SERINC5: variants seen among roughly 807,000 people sequenced by gnomAD.
SERINC5 encodes the protein chromosome 5 open reading frame 12.
In SERINC5, 41 loss-of-function variants were observed where a neutral mutation model predicts 63.1. The ratio of observed to expected loss-of-function variants is 0.65; its 90% CI spans 0.51 to 0.84. SERINC5 has a LOEUF of 0.84. Ranked by LOEUF, SERINC5 falls within the 40% of genes least tolerant of loss-of-function variation. The pLI, the probability that SERINC5 is intolerant of heterozygous loss-of-function variation, is 0.00. For synonymous variants in SERINC5, 222 were observed against 215.2 expected, an observed-to-expected ratio of 1.03 and a Z score of -0.28; for missense variants, 523 against 573.0, an observed-to-expected ratio of 0.91 and a Z score of 0.89.
In SERINC5 at chr5:80,141,538, G is replaced by A. The variant is rs766578377; in HGVS notation, c.*2125C>T. On this transcript the variant is annotated 3_prime_UTR_variant, in exon 12 of 12. Transcript: ENST00000507668. ...GCAAGGGCTCTGCTAGACCTCAGCA[G>A]GAGGAAAACAATGAAACTAGTCACA... 7.1e-6 allele frequency: 7 copies of A among 985,432 alleles called. No individual in the cohort carries two copies. The highest frequency in any genetic ancestry group is 8.4e-6 in the Non-Finnish European group (7 of 829,946). The allele number at this position is 985,432 out of a possible 1,614,324, so 61.0% of individuals were successfully genotyped here.
At chr5:80,130,131 G>A (rs1397216249) in intron 11 of SERINC5, among the ~76,000 whole-genome samples, 1 of 152,140 alleles carries the variant, frequency 6.6e-6, no homozygotes, top group Admixed American at 6.5e-5. Flanking sequence ...TATAATCCCA[G>A]CACTTTGGGA....
At chr5:80,250,811 C>A (rs1224354243) in intron 1 of SERINC5, among the ~76,000 whole-genome samples, 1 of 152,144 alleles carries the variant, frequency 6.6e-6, no homozygotes, top group African/African-American at 2.4e-5. Flanking sequence ...TTTACAGCGA[C>A]CAACCCTTTG....
chr5:80,197,976 A>G (rs1313564699), intron 2 of SERINC5, among the ~76,000 whole-genome samples: 1 of 151,968 alleles, frequency 6.6e-6, no homozygotes, highest in Admixed American at 6.5e-5. Context: ...AGTAGCTGGG[A>G]CTACAGGTGC....
intron 1 of SERINC5, among the ~76,000 whole-genome samples, chr5:80,213,873 C>T (rs1173796611): frequency 5.9e-5 from 9 of 152,190 alleles, no homozygotes; most frequent in Non-Finnish European, 1.5e-5. Flanking sequence ...ATACTCTACA[C>T]CTGCTATGTG....
chr5:80,255,725 G>A (rs1278497012), intron 1 of SERINC5, among the ~76,000 whole-genome samples, 171 bp downstream of exon 1: 2 of 151,966 alleles, frequency 1.3e-5, no homozygotes, highest in Admixed American at 6.5e-5. Context: ...GCCCGCCCAG[G>A]GCACAGGATT....
Position 80,141,909 on chromosome 5 carries a change from G to A in SERINC5, c.*1754C>T. 4 of 985,342 alleles carry A rather than the reference G, an allele frequency of 4.1e-6. No homozygotes were observed. The highest frequency in any genetic ancestry group is 3.6e-6 in the Non-Finnish European group (3 of 829,912). The allele number at this position is 985,342 out of a possible 1,614,324, so 61.0% of individuals were successfully genotyped here. On this transcript the variant is annotated 3_prime_UTR_variant, in exon 12 of 12. Transcript: ENST00000507668. ...ACTCTAAGTAGGGAAAGTTCTAAAG[G>A]AATTCATCCCCTGTAATTTGTTTCC...
chr5:80,243,928 A>G (rs990498865), intron 1 of SERINC5, among the ~76,000 whole-genome samples: 1 of 152,086 alleles, frequency 6.6e-6, no homozygotes, highest in Admixed American at 6.6e-5. Flanking sequence ...GGGAGCACAG[A>G]AAGTGGGGGA....
chr5:80,199,234 T>C (rs1749685071), intron 2 of SERINC5, among the ~76,000 whole-genome samples: 1 of 152,162 alleles, frequency 6.6e-6, no homozygotes, highest in Non-Finnish European at 1.5e-5. Flanking sequence ...TCAGACCAGA[T>C]TCAAATCCTA....
At position 80,189,855 on chromosome 5, in the gene SERINC5, G is replaced by A. The variant is rs969654122; in HGVS notation, c.196-11791C>T. ...GCCTTCCCAGAAGCTGGGACTAGAG[G>A]TGCATGCCAACACATCCGCTACTTT... On this transcript the variant is annotated intron_variant, in intron 2 of 11. Transcript: ENST00000507668. Among the ~76,000 whole-genome samples the A allele has an allele frequency of 3.3e-5, 5 of 152,030 alleles. No homozygotes were observed. In the East Asian group the frequency reaches 5.8e-4, roughly 18 times the overall value.
At chr5:80,233,805 CTT>C (rs373920343) in intron 1 of SERINC5, among the ~76,000 whole-genome samples, 9 of 69,950 alleles carry the variant, frequency 1.3e-4, no homozygotes, top group African/African-American at 1.9e-4. Context: ...TCAACTTTTA[CTT>C]TTTTTTTTTT....
In SERINC5 at chr5:80,141,860, G is replaced by A. The variant is rs1404230280; in HGVS notation, c.*1803C>T. ...TCTAAACCACACACACAGATGGAGT[G>A]CCTTTTGAAACTGAATCTCAAACAC... On this transcript the variant is annotated 3_prime_UTR_variant, in exon 12 of 12. Coordinates refer to ENST00000507668, the MANE Select transcript of SERINC5 (RefSeq NM_001174072.3). The A allele has an allele frequency of 2.0e-6, 2 of 985,254 alleles. No individual in the cohort carries two copies. Among genetic ancestry groups the A allele is most frequent in the Non-Finnish European group, 2.4e-6 (2 of 829,846 alleles). The allele number at this position is 985,254 out of a possible 1,614,324, so 61.0% of individuals were successfully genotyped here.
At chr5:80,165,456 GTA>G (rs1232385707) in intron 7 of SERINC5, among the ~76,000 whole-genome samples, 4 of 152,236 alleles carry the variant, frequency 2.6e-5, no homozygotes, top group African/African-American at 7.2e-5. Context: ...GTGTATGTAT[GTA>G]TATATGTATG....
chr5:80,197,982 G>A (rs564574235), intron 2 of SERINC5, among the ~76,000 whole-genome samples: 5 of 152,086 alleles, frequency 3.3e-5, no homozygotes, highest in Non-Finnish European at 7.4e-5. Context: ...TGGGACTACA[G>A]GTGCACACCA....
chr5:80,195,450 G>A (rs1055077053), intron 2 of SERINC5, among the ~76,000 whole-genome samples: 6 of 152,086 alleles, frequency 3.9e-5, no homozygotes, highest in East Asian at 1.9e-4. Context: ...AACACCACAC[G>A]TATTTGCTGT....
chr5:80,252,446 G>A (rs903229363), intron 1 of SERINC5, among the ~76,000 whole-genome samples: 13 of 152,128 alleles, frequency 8.5e-5, no homozygotes, highest in African/African-American at 2.9e-4. Context: ...GAAGCCCTGT[G>A]TTCATTACCG....
At chr5:80,148,189 C>CTTTTTTTCTT (rs1745945802) in intron 9 of SERINC5, among the ~76,000 whole-genome samples, 1 of 102,334 alleles carries the variant, frequency 9.8e-6, no homozygotes, top group Non-Finnish European at 2.0e-5. Context: ...ATTTTTTATT[C>CTTTTTTTCTT]TTTTTTTTTT....
chr5:80,212,925 A>G (rs938617282), intron 1 of SERINC5, among the ~76,000 whole-genome samples: 7 of 152,186 alleles, frequency 4.6e-5, no homozygotes, highest in Non-Finnish European at 8.8e-5. Context: ...TCCCCCATAC[A>G]AAAGAATACA....
intron 2 of SERINC5, among the ~76,000 whole-genome samples, chr5:80,183,831 A>T (rs1748620982): frequency 6.6e-6 from 1 of 152,052 alleles, no homozygotes; most frequent in Non-Finnish European, 1.5e-5. Context: ...GCCTGCACCC[A>T]GGTGAAATAA....
intron 11 of SERINC5, among the ~76,000 whole-genome samples, chr5:80,124,081 G>A (rs1744649360): frequency 6.6e-6 from 1 of 152,120 alleles, no homozygotes; most frequent in African/African-American, 2.4e-5. Context: ...CCCACAATCT[G>A]TGGCAACTAG....
Sources: gnomAD v4.1 joint callset for allele counts (sites outside exome capture counted in the v4.1 genomes callset) on GRCh38, gnomAD v4.1.1 for gene constraint, MANE v1.5 for transcripts, NCBI Gene and HGNC (gene_info 2026-07-23, HGNC 2026-07-21) for gene names.